MYOM2: variants seen among roughly 807,000 people sequenced by gnomAD.
MYOM2 encodes myomesin 2.
MYOM2 carries 254 observed loss-of-function variants against 187.6 expected under a neutral mutation model. The ratio of observed to expected loss-of-function variants is 1.35; its 90% CI spans 1.22 to 1.50. The LOEUF (loss-of-function observed/expected upper bound fraction) is 1.50, where lower values mean the gene tolerates loss of function less well. MYOM2 is among the 40% of genes most tolerant of loss of function. The probability of loss-of-function intolerance (pLI) is 0.00; values close to 1 mark genes in which losing one functional copy is unlikely to be tolerated. For synonymous variants in MYOM2, 981 were observed against 753.8 expected (o/e 1.30, Z -4.94); for missense variants, 2,796 against 1,924.0 (o/e 1.45, Z -8.48).
intron 13 of MYOM2, 109 bp downstream of exon 13, chr8:2,079,722 A>C: frequency 8.3e-7 from 1 of 1,201,486 alleles, no homozygotes. Context: ...CGGCCTCTGC[A>C]TGGAAAAATG....
intron 36 of MYOM2, 138 bp downstream of exon 36, chr8:2,143,594 C>G (rs1798354638): frequency 9.6e-7 from 1 of 1,043,062 alleles, no homozygotes; most frequent in Non-Finnish European, 1.5e-6. Context: ...CCCAGAGTCC[C>G]CCCCACTTTT....
At chr8:2,124,106 A>T in intron 30 of MYOM2, 73 bp from the exon 31 acceptor site, 1 of 1,417,630 alleles carries the variant, frequency 7.1e-7, no homozygotes, top group Non-Finnish European at 9.8e-7. Flanking sequence ...GCATCGATTT[A>T]ATTAAACATT....
rs117816078 is a variant in MYOM2 at position 2,059,390 on chromosome 8, A to G, written c.653+145A>G. On this transcript the variant is annotated intron_variant, in intron 6 of 36. Coordinates refer to ENST00000262113, the MANE Select transcript of MYOM2 (RefSeq NM_003970.4). ...GACTTTAAATAGCATTTATGAGTTAATGGTACTGGTGTTGGAAGCTTCCCT... is the reference window on the plus strand; with the variant it reads ...GACTTTAAATAGCATTTATGAGTTAGTGGTACTGGTGTTGGAAGCTTCCCT... The G allele has an allele frequency of 2.3e-3, 1,483 of 643,784 alleles. 6 individuals are homozygous for G. Among genetic ancestry groups the G allele is most frequent in the Admixed American group, 2.5e-3 (86 of 34,166 alleles). 39.9% of individuals were successfully genotyped at this position (643,784 alleles called of 1,614,324 possible).
intron 11 of MYOM2, among the ~76,000 whole-genome samples, chr8:2,077,368 G>T (rs1477587230): frequency 6.6e-6 from 1 of 152,074 alleles, no homozygotes; most frequent in Non-Finnish European, 1.5e-5. Context: ...ACAAAGGATG[G>T]TTCCTGGTAG....
rs1819300905 is a variant in MYOM2, at chr8:2,073,339, A to T, written c.959A>T (p.Asp320Val). 6.2e-7 allele frequency: 1 copy of T among 1,602,156 alleles called. No homozygotes were observed. The highest frequency in any genetic ancestry group is 2.2e-5 in the East Asian group (1 of 44,580). The change falls in exon 10 of 37, where the codon GAC becomes GTC. Residue 320 changes from aspartate (D) to valine (V), a missense_variant and splice_region_variant. By Grantham distance (152) the Asp-to-Val change is radical. Transcript: ENST00000262113. ...ACCTTCCGTGTTAACGCTCTTTCAG[A>T]CGTGCTGTTGAAAGAGTCCAAGTGG... ...VQPRAEWYRD[D>V]VLLKESKWTK... is the part of the protein sequence containing the mutation.
chr8:2,087,414 C>T (rs986724882), intron 14 of MYOM2, among the ~76,000 whole-genome samples: 1 of 152,122 alleles, frequency 6.6e-6, no homozygotes, highest in Non-Finnish European at 1.5e-5. Context: ...TGTATGCTAT[C>T]TGGGGGGTAG....
At chr8:2,062,279 A>G (rs116986448) in intron 6 of MYOM2, among the ~76,000 whole-genome samples, 4 of 152,192 alleles carry the variant, frequency 2.6e-5, no homozygotes, top group Non-Finnish European at 2.9e-5. Flanking sequence ...GGGAGAAGGA[A>G]GGATGTAACA....
At chr8:2,137,315 C>T (rs5023997) in intron 32 of MYOM2, among the ~76,000 whole-genome samples, 4,741 of 151,868 alleles carry the variant, frequency 0.031, 254 homozygotes, top group African/African-American at 0.11. Context: ...GACTGACCAG[C>T]GACAGCACGA....
chr8:2,143,996 T>C (rs968354336), intron 36 of MYOM2, among the ~76,000 whole-genome samples: 5 of 152,254 alleles, frequency 3.3e-5, no homozygotes, highest in Non-Finnish European at 7.3e-5. Context: ...ATCTAATTGA[T>C]AGCTGTCTGG....
intron 1 of MYOM2, among the ~76,000 whole-genome samples, chr8:2,049,231 G>C (rs1284461105): frequency 6.6e-6 from 1 of 152,208 alleles, no homozygotes; most frequent in Admixed American, 6.5e-5. Flanking sequence ...GCAATATTGA[G>C]AGAGTTAGTG....
chr8:2,133,105 G>C (rs1797933584), intron 32 of MYOM2, among the ~76,000 whole-genome samples: 2 of 152,086 alleles, frequency 1.3e-5, no homozygotes, highest in South Asian at 4.1e-4. Flanking sequence ...AGAAAGCACA[G>C]GGTGTTTCCA....
Position 2,072,020 on chromosome 8 carries a change from A to G in MYOM2, c.794-325A>G, listed in dbSNP as rs544586994. On this transcript the variant is annotated intron_variant, in intron 8 of 36. Transcript: ENST00000262113. ...TTCAACACTGGAATTCTGGGGGGAC[A>G]CAGACATTCCGTGTGGAGCACGGAC... Among the ~76,000 whole-genome samples the G allele has an allele frequency of 5.9e-5, 9 of 152,334 alleles. No individual in the cohort carries two copies. The South Asian group carries it at 1.2e-3, about 21-fold the overall frequency.
intron 31 of MYOM2, among the ~76,000 whole-genome samples, chr8:2,127,469 T>C (rs1167166188): frequency 6.6e-6 from 1 of 152,232 alleles, no homozygotes; most frequent in East Asian, 1.9e-4. Context: ...GGGGATGGGC[T>C]CAAATTCTGT....
intron 26 of MYOM2, 26 bp downstream of exon 26, chr8:2,116,130 T>A (rs1456830943): frequency 6.2e-7 from 1 of 1,608,600 alleles, no homozygotes. Context: ...TATTTCCACG[T>A]CCATACAAGA....
chr8:2,069,091 C>T (rs1819124091), intron 6 of MYOM2, among the ~76,000 whole-genome samples, 187 bp from the exon 7 acceptor site: 1 of 152,216 alleles, frequency 6.6e-6, no homozygotes, highest in Non-Finnish European at 1.5e-5. Context: ...TCATCTGTGT[C>T]TATAATTAAT....
chr8:2,076,720 T>G (rs116351358), intron 11 of MYOM2: 2,239 of 156,440 alleles, frequency 0.014, 62 homozygotes, highest in African/African-American at 0.052. Context: ...CAAAGTTCTT[T>G]CCTTTTCTCT....
In MYOM2 at chr8:2,078,895, T is replaced by C; in HGVS notation, c.1424T>C (p.Val475Ala). Residue 475 changes from valine to alanine, a missense_variant, in exon 12 of 37, where the codon GTG becomes GCG. Physicochemically the swap from Val to Ala is moderately conservative, Grantham distance 64. Transcript: ENST00000262113. ...ISRPSRVSDA[V>A]AALDPLDLRR... The stretch of plus-strand genomic sequence containing the variant: ...CGACCCTCCAGGGTCTCTGATGCGG[T>C]GGCTGCACTTGACCCCTTGGACCTC... 2 of 1,613,988 alleles carry C rather than the reference T, an allele frequency of 1.2e-6. No homozygotes were observed. Among genetic ancestry groups the C allele is most frequent in the Non-Finnish European group, 1.7e-6 (2 of 1,179,890 alleles).
intron 32 of MYOM2, among the ~76,000 whole-genome samples, chr8:2,133,568 C>A (rs1193762711): frequency 6.6e-6 from 1 of 152,216 alleles, no homozygotes; most frequent in Non-Finnish European, 1.5e-5. Context: ...TCAAGTGATT[C>A]TCCCACCTCA....
In MYOM2 at chr8:2,050,887, C is replaced by A; in HGVS notation, c.107+14C>A. 1.3e-6 allele frequency: 2 copies of A among 1,585,692 alleles called. No homozygotes were observed. Among genetic ancestry groups the A allele is most frequent in the Non-Finnish European group, 1.7e-6 (2 of 1,154,872 alleles). ...TGCGTCAAAAAAGTAAGCTGACATT[C>A]GCTGATGAGACGCGCAGAGCTTTGA... On this transcript the variant is annotated intron_variant, in intron 2 of 36. Transcript: ENST00000262113.
Sources: gnomAD v4.1 joint callset for allele counts (sites outside exome capture counted in the v4.1 genomes callset) on GRCh38, gnomAD v4.1.1 for gene constraint, MANE v1.5 for transcripts, NCBI Gene and HGNC (gene_info 2026-07-23, HGNC 2026-07-21) for gene names.